The following CD82 variants were observed in gnomAD, a reference collection of about 807,000 sequenced individuals.
CD82 encodes CD82 antigen.
CD82 carries 36 observed loss-of-function variants against 37.4 expected under a neutral mutation model. The observed-to-expected ratio is 0.96, with a 90% CI of 0.74 to 1.27. The LOEUF (loss-of-function observed/expected upper bound fraction) is 1.27. Ranked by LOEUF, CD82 falls within the 50% of genes most tolerant of loss-of-function variation. The probability of loss-of-function intolerance (pLI) is 0.00; values close to 1 mark genes in which losing one functional copy is unlikely to be tolerated. For missense variants in CD82, 340 were observed against 347.0 expected (o/e 0.98, Z 0.16); for synonymous variants, 158 against 137.4 (o/e 1.15, Z -1.05).
chr11:44,617,122 C>T (rs1002205353), intron 7 of CD82, among the ~76,000 whole-genome samples: 2 of 152,174 alleles, frequency 1.3e-5, no homozygotes, highest in Non-Finnish European at 2.9e-5. Flanking sequence ...GAACTGACCC[C>T]TGCTGTGACC....
At chr11:44,580,182 T>C (rs1437502620) in intron 1 of CD82, among the ~76,000 whole-genome samples, 1 of 152,170 alleles carries the variant, frequency 6.6e-6, no homozygotes, top group Non-Finnish European at 1.5e-5. Context: ...GTTCTTGTAG[T>C]TAGAGACCTG....
rs1169923788 is a variant in CD82 at position 44,618,308 on chromosome 11, C to T, written c.585C>T (p.Ala195=). The change falls in exon 8 of 10, where the codon GCC becomes GCT. Residue 195 remains alanine (A), a synonymous_variant. Coordinates refer to ENST00000227155, the MANE Select transcript of CD82 (RefSeq NM_002231.4). ...SLSVRKGFCE[A]PGNRTQSGNH... ...CTGTGAGGAAGGGCTTCTGCGAGGC[C>T]CCCGGCAACAGGACCCAGAGTGGCA... 4 of 1,613,718 alleles carry T rather than the reference C, an allele frequency of 2.5e-6. No homozygotes were observed. The highest frequency in any genetic ancestry group is 4.5e-5 in the East Asian group (2 of 44,876).
intron 1 of CD82, among the ~76,000 whole-genome samples, chr11:44,583,446 T>C (rs1239550644): frequency 6.6e-6 from 1 of 152,204 alleles, no homozygotes; most frequent in Admixed American, 6.5e-5. Context: ...TGAAGGAATG[T>C]CCCAGTCAGG....
At chr11:44,572,817 T>TATGG (rs112381673) in intron 1 of CD82, among the ~76,000 whole-genome samples, 36,772 of 152,046 alleles carry the variant, frequency 0.24, 4,596 homozygotes, top group Middle Eastern at 0.29. Context: ...ACATATTGAA[T>TATGG]ATGGAGCTCT....
intron 6 of CD82, among the ~76,000 whole-genome samples, chr11:44,610,860 A>C (rs909109731): frequency 6.6e-6 from 1 of 151,838 alleles, no homozygotes; most frequent in African/African-American, 2.4e-5. Context: ...TTTGAGATAG[A>C]GTCTTGCTCT....
At chr11:44,589,731 C>T (rs1853111545) in intron 2 of CD82, among the ~76,000 whole-genome samples, 1 of 152,252 alleles carries the variant, frequency 6.6e-6, no homozygotes, top group Non-Finnish European at 1.5e-5. Context: ...TTCAGGGATC[C>T]TGTGTCTTCT....
At chr11:44,598,496 G>A (rs12281189) in intron 3 of CD82, among the ~76,000 whole-genome samples, 7,050 of 128,734 alleles carry the variant, frequency 0.055, 239 homozygotes, top group African/African-American at 0.11. Context: ...CACTGCCACC[G>A]CCGCTTCCTG....
chr11:44,607,815 C>T (rs915891786), intron 6 of CD82, among the ~76,000 whole-genome samples: 11 of 152,234 alleles, frequency 7.2e-5, no homozygotes, highest in African/African-American at 2.7e-4. Context: ...CACCACGCTG[C>T]CCTCCCGCCG....
chr11:44,618,077 C>G, intron 7 of CD82, 85 bp from the exon 8 acceptor site: 1 of 1,198,388 alleles, frequency 8.3e-7, no homozygotes, highest in East Asian at 2.4e-5. Flanking sequence ...CAGTCTCTGT[C>G]CTGGGGAGGT....
Position 44,594,332 on chromosome 11 carries a change from C to T in CD82, c.-20-311C>T, listed in dbSNP as rs572476507. ...AAACAGAGTCCATCTGTGCAAGTTC[C>T]AGAGCCTGGGTCATGGAGGTGAGGG... On this transcript the variant is annotated intron_variant, in intron 2 of 9. Coordinates refer to ENST00000227155, the MANE Select transcript of CD82 (RefSeq NM_002231.4). Among the ~76,000 whole-genome samples, 26 of 152,282 alleles carry T rather than the reference C, an allele frequency of 1.7e-4. 1 individual carries two copies. Among genetic ancestry groups the T allele is most frequent in the African/African-American group, 5.5e-4 (23 of 41,560 alleles).
chr11:44,588,156 G>C (rs1853086157), intron 2 of CD82, among the ~76,000 whole-genome samples: 1 of 152,172 alleles, frequency 6.6e-6, no homozygotes, highest in Admixed American at 6.5e-5. Context: ...CCATGTGGCA[G>C]GCATTTTGCC....
chr11:44,604,926 AAGCC>A, intron 4 of CD82, 128 bp from the exon 5 acceptor site: 4 of 1,291,322 alleles, frequency 3.1e-6, no homozygotes, highest in Middle Eastern at 1.9e-4. Flanking sequence ...GGGCAGTGAG[AAGCC>A]AGCAGGGGAA....
Position 44,605,430 on chromosome 11 carries a change from G to A in CD82, c.336+1G>A. On this transcript the variant is annotated splice_donor_variant, in intron 6 of 9. Coordinates refer to ENST00000227155, the MANE Select transcript of CD82 (RefSeq NM_002231.4). LOFTEE classifies it high-confidence loss of function. ...CCTCTTCTACTTCAACATGGGCAAGGTAAGCCCCTCTCTCCCTCCCTCTTC... is the reference window on the plus strand; with the variant it reads ...CCTCTTCTACTTCAACATGGGCAAGATAAGCCCCTCTCTCCCTCCCTCTTC... 6.2e-7 allele frequency: 1 copy of A among 1,613,948 alleles called. No homozygotes were observed. The highest frequency in any genetic ancestry group is 8.5e-7 in the Non-Finnish European group (1 of 1,179,832).
chr11:44,612,063 A>T (rs958724262), intron 6 of CD82, among the ~76,000 whole-genome samples: 1 of 152,140 alleles, frequency 6.6e-6, no homozygotes, highest in Non-Finnish European at 1.5e-5. Flanking sequence ...TCCTTTCCAC[A>T]CCGTGGGGAT....
In CD82 at chr11:44,620,293, G is replaced by C. The variant is rs1171722183; in HGVS notation, c.*1167G>C. The C allele has an allele frequency of 6.6e-6, 1 of 152,030 alleles. No homozygotes were observed. Among genetic ancestry groups the C allele is most frequent in the Non-Finnish European group, 1.5e-5 (1 of 68,034 alleles). The allele number at this position is 152,030 out of a possible 1,614,324, so 9.4% of individuals were successfully genotyped here. On this transcript the variant is annotated 3_prime_UTR_variant, in exon 10 of 10. Coordinates refer to ENST00000227155, the MANE Select transcript of CD82 (RefSeq NM_002231.4). ...GCCTTGTAGGGGGAGAGGGGAGGGG[G>C]CTTTGTGTGCACCATTCTGTAAAAC...
intron 1 of CD82, among the ~76,000 whole-genome samples, chr11:44,568,437 T>C (rs999327883): frequency 1.4e-5 from 2 of 146,026 alleles, no homozygotes; most frequent in African/African-American, 5.1e-5. Context: ...GGGTGATGAA[T>C]GCTACAGAGG....
intron 2 of CD82, among the ~76,000 whole-genome samples, chr11:44,593,029 C>T (rs150268114): frequency 1.3e-5 from 2 of 152,302 alleles, no homozygotes; most frequent in African/African-American, 4.8e-5. Context: ...TGTAACAAAG[C>T]TGTTAGAGGA....
rs71449886 is a variant in CD82 at position 44,595,908 on chromosome 11, C to CAAAAAA, written c.63+1201_63+1206dup. ...AACATAGCAAGACCCTGTTTCTCTACAAAAAAAAAAAAAAAAAAAAAAAGA... is the reference window on the plus strand; with the variant it reads ...AACATAGCAAGACCCTGTTTCTCTACAAAAAAAAAAAAAAAAAAAAAAAAAAAAAGA... On this transcript the variant is annotated intron_variant, in intron 3 of 9. Coordinates refer to ENST00000227155, the MANE Select transcript of CD82 (RefSeq NM_002231.4). Among the ~76,000 whole-genome samples the CAAAAAA allele has an allele frequency of 2.2e-3, 150 of 69,632 alleles. 1 individual carries two copies. Among genetic ancestry groups the CAAAAAA allele is most frequent in the Non-Finnish European group, 3.0e-3 (110 of 37,218 alleles). 45.7% of individuals were successfully genotyped at this position (69,632 alleles called of 152,430 possible).
chr11:44,589,112 C>A (rs6485546), intron 2 of CD82, among the ~76,000 whole-genome samples: 2 of 152,182 alleles, frequency 1.3e-5, no homozygotes, highest in African/African-American at 4.8e-5. Context: ...AAAAGTTAGC[C>A]GGGCATGATG....
Sources: allele counts gnomAD v4.1 joint callset (sites outside exome capture counted in the v4.1 genomes callset), GRCh38; gene constraint gnomAD v4.1.1; transcripts MANE v1.5; gene names NCBI Gene and HGNC (gene_info 2026-07-23, HGNC 2026-07-21).